The following SPATS2 variants were observed in gnomAD, a reference collection of about 807,000 sequenced individuals.
SPATS2 encodes the protein spermatogenesis-associated serine-rich protein 2.
In SPATS2, 38 loss-of-function variants were observed where a neutral mutation model predicts 63.7. The observed-to-expected ratio is 0.60, with a 90% CI of 0.46 to 0.78. The LOEUF is 0.78. Among genes scored for constraint, SPATS2 ranks in the 30% least tolerant of loss-of-function variants. The pLI is 0.00. For missense variants in SPATS2, 588 were observed against 666.2 expected (o/e 0.88, Z 1.29); for synonymous variants, 207 against 232.9 (o/e 0.89, Z 1.01).
intron 8 of SPATS2, among the ~76,000 whole-genome samples, chr12:49,497,595 C>T (rs988525108): frequency 2.0e-5 from 3 of 151,928 alleles, no homozygotes; most frequent in South Asian, 2.1e-4. Context: ...GGGGTTTCGC[C>T]GTGTTAGCCA....
chr12:49,494,694 A>G (rs1204716027), intron 6 of SPATS2, 47 bp from the exon 7 acceptor site: 1 of 1,463,606 alleles, frequency 6.8e-7, no homozygotes, highest in Non-Finnish European at 9.0e-7. Flanking sequence ...TTGTGGGGGA[A>G]TCTTTTCTTT....
chr12:49,396,371 T>C (rs1249552327), intron 2 of SPATS2, among the ~76,000 whole-genome samples: 1 of 152,212 alleles, frequency 6.6e-6, no homozygotes, highest in Non-Finnish European at 1.5e-5. Flanking sequence ...CGTGTTCTTA[T>C]TCTTGGGGTG....
intron 2 of SPATS2, among the ~76,000 whole-genome samples, chr12:49,425,734 A>G (rs866407326): frequency 1.9e-4 from 29 of 152,160 alleles, no homozygotes; most frequent in Middle Eastern, 3.4e-3. Flanking sequence ...GGTTCAAGCA[A>G]TTCTCCTGCC....
At chr12:49,423,615 T>C (rs1945021887) in intron 2 of SPATS2, among the ~76,000 whole-genome samples, 1 of 152,170 alleles carries the variant, frequency 6.6e-6, no homozygotes, top group Non-Finnish European at 1.5e-5. Context: ...CTTAGAAAAT[T>C]ATAAGCATTC....
At chr12:49,413,822 T>C (rs1392671704) in intron 2 of SPATS2, among the ~76,000 whole-genome samples, 2 of 152,068 alleles carry the variant, frequency 1.3e-5, no homozygotes, top group Non-Finnish European at 2.9e-5. Context: ...GCCTACCCAG[T>C]ATGCAACACT....
chr12:49,485,265 G>A (rs529369784), intron 4 of SPATS2, among the ~76,000 whole-genome samples: 10 of 151,534 alleles, frequency 6.6e-5, no homozygotes, highest in East Asian at 1.9e-4. Context: ...ACAGGGTTTC[G>A]CCGTGGCCTC....
intron 2 of SPATS2, among the ~76,000 whole-genome samples, chr12:49,384,560 T>C (rs561738905): frequency 6.6e-5 from 10 of 152,334 alleles, no homozygotes; most frequent in Admixed American, 5.9e-4. Context: ...TGTGTATGTA[T>C]ATATAAAAGC....
At chr12:49,395,821 C>T (rs1371370877) in intron 2 of SPATS2, among the ~76,000 whole-genome samples, 1 of 152,196 alleles carries the variant, frequency 6.6e-6, no homozygotes, top group African/African-American at 2.4e-5. Flanking sequence ...GTAATATTAA[C>T]TATAGGGACA....
intron 2 of SPATS2, among the ~76,000 whole-genome samples, chr12:49,421,975 A>G (rs1414177416): frequency 6.6e-6 from 1 of 152,194 alleles, no homozygotes; most frequent in Non-Finnish European, 1.5e-5. Flanking sequence ...AAATGTACAT[A>G]TAAATTCGTT....
At chr12:49,496,647 G>A (rs897319296) in intron 7 of SPATS2, among the ~76,000 whole-genome samples, 186 bp from the exon 8 acceptor site, 2 of 152,144 alleles carry the variant, frequency 1.3e-5, no homozygotes, top group African/African-American at 2.4e-5. Flanking sequence ...GACTAAGCCC[G>A]AAGCTGCCGA....
At chr12:49,425,350 CT>C (rs1053961482) in intron 2 of SPATS2, among the ~76,000 whole-genome samples, 24 of 152,066 alleles carry the variant, frequency 1.6e-4, no homozygotes, top group Non-Finnish European at 2.8e-4. Flanking sequence ...TTTTGTTTTT[CT>C]TTTCTTTTTT....
At chr12:49,429,687 C>A (rs1945144555) in intron 2 of SPATS2, among the ~76,000 whole-genome samples, 2 of 151,768 alleles carry the variant, frequency 1.3e-5, no homozygotes, top group South Asian at 4.2e-4. Context: ...AACTCCTGAC[C>A]TCAAGTGATC....
At chr12:49,436,632 C>T (rs1199763153) in intron 2 of SPATS2, among the ~76,000 whole-genome samples, 20 of 102,956 alleles carry the variant, frequency 1.9e-4, no homozygotes, top group South Asian at 3.6e-4. Flanking sequence ...CCCTCCCGGA[C>T]GGGGCGGCTG....
chr12:49,447,795 A>G (rs1945541627), intron 2 of SPATS2, among the ~76,000 whole-genome samples: 1 of 152,010 alleles, frequency 6.6e-6, no homozygotes, highest in African/African-American at 2.4e-5. Context: ...AATCCCTTGA[A>G]TTTTTGTAGG....
intron 2 of SPATS2, among the ~76,000 whole-genome samples, chr12:49,460,522 G>A (rs2137674583): frequency 6.6e-6 from 1 of 152,168 alleles, no homozygotes; most frequent in South Asian, 2.1e-4. Context: ...GCAGAGATGG[G>A]GATATTTCAG....
chr12:49,469,542 TAAAA>T (rs748722366), intron 3 of SPATS2: 3,181 of 314,986 alleles, frequency 0.01, no homozygotes, highest in South Asian at 0.012. Context: ...GCTGGGTCTC[TAAAA>T]AAAAAAAAAA....
chr12:49,446,391 G>T (rs750500540), intron 2 of SPATS2, among the ~76,000 whole-genome samples: 1 of 152,232 alleles, frequency 6.6e-6, no homozygotes, highest in South Asian at 2.1e-4. Context: ...TTCTCTACAA[G>T]GTTGAAACCA....
At chr12:49,523,579 G>A (rs1358190324) in intron 12 of SPATS2, among the ~76,000 whole-genome samples, 3 of 152,190 alleles carry the variant, frequency 2.0e-5, no homozygotes, top group African/African-American at 7.2e-5. Flanking sequence ...GGATAGGGGA[G>A]TGCCTGTGAG....
At chr12:49,462,282 AGC>A (rs1945834077) in intron 3 of SPATS2, 2 of 702,144 alleles carry the variant, frequency 2.8e-6, no homozygotes, top group East Asian at 5.4e-5. Context: ...CAGGAAGGAG[AGC>A]GCGAGTGAAC....
Sources: allele counts gnomAD v4.1 joint callset (sites outside exome capture counted in the v4.1 genomes callset), GRCh38; gene constraint gnomAD v4.1.1; transcripts MANE v1.5; gene names NCBI Gene and HGNC (gene_info 2026-07-23, HGNC 2026-07-21).